RXRG: variants seen among roughly 807,000 people sequenced by gnomAD.
RXRG encodes the protein retinoid X receptor gamma, also known as retinoic acid receptor RXR-gamma.
RXRG carries 19 observed loss-of-function variants against 49.2 expected under a neutral mutation model. The observed-to-expected ratio is 0.39, with a 90% CI of 0.27 to 0.57. The LOEUF (loss-of-function observed/expected upper bound fraction) is 0.57, where lower values mean the gene tolerates loss of function less well. RXRG is among the 20% of genes least tolerant of loss of function. The pLI, the probability that RXRG is intolerant of heterozygous loss-of-function variation, is 0.64. For missense variants in RXRG, 452 were observed against 592.5 expected (o/e 0.76, Z 2.46); for synonymous variants, 224 against 216.6 (o/e 1.03, Z -0.30).
At chr1:165,403,818 A>C (rs147538997) in intron 9 of RXRG, among the ~76,000 whole-genome samples, 2 of 152,374 alleles carry the variant, frequency 1.3e-5, no homozygotes, top group African/African-American at 4.8e-5. Context: ...GTATGCCATC[A>C]TACTACCCTC....
At chr1:165,431,236 C>T (rs1658662516) in intron 1 of RXRG, among the ~76,000 whole-genome samples, 1 of 152,162 alleles carries the variant, frequency 6.6e-6, no homozygotes, top group Non-Finnish European at 1.5e-5. Flanking sequence ...GAGCCATCTG[C>T]ACCAAGAGTA....
chr1:165,406,265 C>T (rs986470716), intron 9 of RXRG, among the ~76,000 whole-genome samples: 1 of 150,352 alleles, frequency 6.7e-6, no homozygotes. Context: ...AGACTCAGAC[C>T]CAGCACCTTC....
intron 1 of RXRG, among the ~76,000 whole-genome samples, chr1:165,442,737 A>C (rs1380666578): frequency 2.0e-5 from 3 of 152,258 alleles, no homozygotes; most frequent in Non-Finnish European, 2.9e-5. Flanking sequence ...ACAACACTAT[A>C]GCAGCTGTTT....
Position 165,444,942 on chromosome 1 carries a change from C to T in RXRG, c.-49G>A. ...TCTCCTGTGCAGCTTCTAAATATTA[C>T]CGCCTCTCTCGGCTCCCAGGCACAG... On this transcript the variant is annotated 5_prime_UTR_variant, in exon 1 of 10. Transcript: ENST00000359842. 3.8e-6 allele frequency: 6 copies of T among 1,566,476 alleles called. No individual in the cohort carries two copies. Among genetic ancestry groups the T allele is most frequent in the Non-Finnish European group, 5.3e-6 (6 of 1,136,768 alleles).
intron 2 of RXRG, among the ~76,000 whole-genome samples, chr1:165,421,242 C>T (rs553573466): frequency 1.4e-3 from 209 of 152,236 alleles, no homozygotes; most frequent in African/African-American, 4.8e-3. Flanking sequence ...AAAGACACAG[C>T]CTTTGGTGCT....
intron 7 of RXRG, among the ~76,000 whole-genome samples, chr1:165,408,797 G>A (rs1162918593): frequency 7.9e-5 from 12 of 152,174 alleles, no homozygotes; most frequent in Admixed American, 7.2e-4. Context: ...TGTGGGAAAG[G>A]GCAGGGAAGT....
chr1:165,419,663 T>C (rs1192113995), intron 3 of RXRG, among the ~76,000 whole-genome samples: 3 of 152,224 alleles, frequency 2.0e-5, no homozygotes, highest in African/African-American at 7.2e-5. Flanking sequence ...ATGTTTCCTG[T>C]AAATCTCATC....
At chr1:165,422,703 C>A (rs1658361743) in intron 2 of RXRG, among the ~76,000 whole-genome samples, 2 of 152,344 alleles carry the variant, frequency 1.3e-5, no homozygotes, top group South Asian at 4.1e-4. Flanking sequence ...AAGCAATAAG[C>A]AGCCACTAGA....
At chr1:165,401,667 C>T (rs1237673779) in intron 9 of RXRG, among the ~76,000 whole-genome samples, 1 of 152,232 alleles carries the variant, frequency 6.6e-6, no homozygotes, top group Non-Finnish European at 1.5e-5. Flanking sequence ...CAGGACTGCC[C>T]TCAGCTCCCC....
intron 4 of RXRG, among the ~76,000 whole-genome samples, chr1:165,414,841 G>A (rs1248693979): frequency 6.6e-6 from 1 of 152,194 alleles, no homozygotes; most frequent in Non-Finnish European, 1.5e-5. Flanking sequence ...TAGGCACTCA[G>A]CTAATACTCA....
chr1:165,410,567 C>A lies in RXRG; in HGVS notation c.913+135G>T. On this transcript the variant is annotated intron_variant, in intron 6 of 9. Transcript: ENST00000359842. ...CGATGCTTCCTTTGGGAATGAACAA[C>A]CCCGCACAGGGTTATTTCATCATCA... The A allele has an allele frequency of 3.1e-6, 3 of 975,934 alleles. No individual in the cohort carries two copies. In the South Asian group the frequency reaches 5.6e-5, roughly 18 times the overall value. The allele number at this position is 975,934 out of a possible 1,614,324, so 60.5% of individuals were successfully genotyped here. A position where few individuals can be genotyped will look rare whatever the true frequency, so the allele number is the denominator to read the frequency against.
rs200020638 is a variant in RXRG at position 165,410,841 on chromosome 1, G to C, written c.784-10C>G. 5.6e-6 allele frequency: 9 copies of C among 1,614,014 alleles called. No homozygotes were observed. Among genetic ancestry groups the C allele is most frequent in the Non-Finnish European group, 5.9e-6 (7 of 1,179,992 alleles). On this transcript the variant is annotated splice_polypyrimidine_tract_variant and intron_variant, in intron 5 of 9. Transcript: ENST00000359842. ...TAACAGGGTCATTTGTCTGAAAAAG[G>C]AACAAAGTACTGTGAGGCACAGGTC...
chr1:165,408,193 A>C, intron 8 of RXRG, 34 bp downstream of exon 8: 1 of 1,514,910 alleles, frequency 6.6e-7, no homozygotes. Flanking sequence ...AGAGGGCTGA[A>C]CACACACATC....
chr1:165,415,079 G>A (rs575934620), intron 4 of RXRG, among the ~76,000 whole-genome samples: 39 of 152,290 alleles, frequency 2.6e-4, no homozygotes, highest in Non-Finnish European at 3.5e-4. Context: ...CTGTGTAAAA[G>A]AGACAAGGAA....
At chr1:165,401,823 G>A (rs1487519683) in intron 9 of RXRG, among the ~76,000 whole-genome samples, 1 of 152,204 alleles carries the variant, frequency 6.6e-6, no homozygotes, top group Non-Finnish European at 1.5e-5. Flanking sequence ...CACTGAATGT[G>A]CTCAACCCAT....
At chr1:165,442,003 A>T (rs1659021748) in intron 1 of RXRG, among the ~76,000 whole-genome samples, 1 of 152,246 alleles carries the variant, frequency 6.6e-6, no homozygotes, top group Non-Finnish European at 1.5e-5. Context: ...GGTCCCAGAC[A>T]CAAATCTCAG....
chr1:165,418,075 C>T (rs902481236), intron 3 of RXRG, among the ~76,000 whole-genome samples: 5 of 142,200 alleles, frequency 3.5e-5, no homozygotes, highest in African/African-American at 5.4e-5. Context: ...CATGCCCCTG[C>T]ACTCTAGCCT....
At chr1:165,432,954 G>A (rs1306279267) in intron 1 of RXRG, among the ~76,000 whole-genome samples, 1 of 152,190 alleles carries the variant, frequency 6.6e-6, no homozygotes, top group Non-Finnish European at 1.5e-5. Context: ...CCATAAGAGA[G>A]TAGTAACAGG....
intron 4 of RXRG, among the ~76,000 whole-genome samples, chr1:165,412,568 T>C (rs1438896368): frequency 6.6e-6 from 1 of 152,248 alleles, no homozygotes; most frequent in Non-Finnish European, 1.5e-5. Flanking sequence ...AAGCAGAGAT[T>C]AACTGAGATA....
Sources: gnomAD v4.1 joint callset for allele counts (sites outside exome capture counted in the v4.1 genomes callset) on GRCh38, gnomAD v4.1.1 for gene constraint, MANE v1.5 for transcripts, NCBI Gene and HGNC (gene_info 2026-07-23, HGNC 2026-07-21) for gene names.